SMAD2: variants seen among roughly 807,000 people sequenced by gnomAD.
The protein encoded by SMAD2 is SMAD family member 2.
SMAD2 carries 8 observed loss-of-function variants against 64.4 expected under a neutral mutation model. The observed-to-expected ratio is 0.12, with a 90% confidence interval of 0.07 to 0.22. The LOEUF is 0.22. Ranked by LOEUF, SMAD2 falls within the 10% of genes least tolerant of loss-of-function variation. The probability of loss-of-function intolerance (pLI) is 1.00; values close to 1 mark genes in which losing one functional copy is unlikely to be tolerated. For missense variants in SMAD2, 289 were observed against 561.2 expected (o/e 0.51, Z 4.90); for synonymous variants, 203 against 195.8 (o/e 1.04, Z -0.31).
chr18:47,835,611 G>A lies in SMAD2; in HGVS notation c.*6216C>T, dbSNP rs1163441036. The A allele has an allele frequency of 5.2e-6, 1 of 193,732 alleles. No homozygotes were observed. The highest frequency in any genetic ancestry group is 1.1e-5 in the Non-Finnish European group (1 of 92,960). 12.0% of individuals were successfully genotyped at this position (193,732 alleles called of 1,614,324 possible). A position where few individuals can be genotyped will look rare whatever the true frequency, so the allele number is the denominator to read the frequency against. On this transcript the variant is annotated 3_prime_UTR_variant, in exon 11 of 11. Coordinates refer to ENST00000262160, the MANE Select transcript of SMAD2 (RefSeq NM_005901.6). ...AGCTTTATAATAACAGCATTATAAAGGATAGAACTTAATATAGAACCAGAA... is the reference window on the plus strand; with the variant it reads ...AGCTTTATAATAACAGCATTATAAAAGATAGAACTTAATATAGAACCAGAA...
intron 2 of SMAD2, among the ~76,000 whole-genome samples, chr18:47,885,132 TACACACACACACACACACACACACAC>T (rs57342899): frequency 1.5e-4 from 22 of 142,186 alleles, no homozygotes; most frequent in South Asian, 7.0e-4. Flanking sequence ...TTTAGTCATA[TACACACACACACACACACACACACAC>T]ACACACACAC....
At chr18:47,903,623 A>G (rs2033777083) in intron 1 of SMAD2, among the ~76,000 whole-genome samples, 1 of 152,190 alleles carries the variant, frequency 6.6e-6, no homozygotes, top group Non-Finnish European at 1.5e-5. Flanking sequence ...CAGTCAAAAC[A>G]TGAATAAAAT....
At chr18:47,876,967 T>C (rs529650031) in intron 2 of SMAD2, among the ~76,000 whole-genome samples, 74 of 152,188 alleles carry the variant, frequency 4.9e-4, no homozygotes, top group African/African-American at 1.6e-3. Context: ...GAAAATTAAG[T>C]TGAAGAAAAC....
chr18:47,810,628 C>A lies in SMAD2; in HGVS notation c.*31199G>T, dbSNP rs1912170224. 1 of 152,132 alleles carries A rather than the reference C, an allele frequency of 6.6e-6. No homozygotes were observed. Among genetic ancestry groups the A allele is most frequent in the African/African-American group, 2.4e-5 (1 of 41,434 alleles). The allele number at this position is 152,132 out of a possible 1,614,324, so 9.4% of individuals were successfully genotyped here. A position where few individuals can be genotyped will look rare whatever the true frequency, so the allele number is the denominator to read the frequency against. On this transcript the variant is annotated 3_prime_UTR_variant, in exon 11 of 11. Coordinates refer to ENST00000262160, the MANE Select transcript of SMAD2 (RefSeq NM_005901.6). ...TTAAAAAGACTGATTGACCAACTAACATTTGACTTGGAAATATAAATAAAG... is the reference window on the plus strand; with the variant it reads ...TTAAAAAGACTGATTGACCAACTAAAATTTGACTTGGAAATATAAATAAAG...
At chr18:47,896,878 T>C (rs192888571) in intron 1 of SMAD2, 69 bp from the exon 2 acceptor site, 10 of 1,416,352 alleles carry the variant, frequency 7.1e-6, no homozygotes, top group East Asian at 2.5e-5. Context: ...CAACTTATCA[T>C]AGAAAGCAAA....
intron 6 of SMAD2, among the ~76,000 whole-genome samples, chr18:47,862,716 G>A (rs16958551): frequency 0.017 from 2,553 of 152,256 alleles, 65 homozygotes; most frequent in African/African-American, 0.057. Flanking sequence ...AACCCTTTAA[G>A]TCTCTTTGTG....
chr18:47,907,530 G>C (rs1414961464), intron 1 of SMAD2, among the ~76,000 whole-genome samples: 1 of 152,224 alleles, frequency 6.6e-6, no homozygotes, highest in Non-Finnish European at 1.5e-5. Context: ...GAAGCACAAA[G>C]TACCTTTCTA....
intron 2 of SMAD2, among the ~76,000 whole-genome samples, chr18:47,880,520 G>C (rs2032524699): frequency 6.6e-6 from 1 of 152,136 alleles, no homozygotes; most frequent in Admixed American, 6.5e-5. Flanking sequence ...ATGGCTTCAA[G>C]GTGAGTCTTG....
chr18:47,903,440 C>T (rs2033770211), intron 1 of SMAD2, among the ~76,000 whole-genome samples: 1 of 152,032 alleles, frequency 6.6e-6, no homozygotes, highest in Admixed American at 6.6e-5. Flanking sequence ...TCTCATGGTT[C>T]AGAAAGCTGA....
At chr18:47,928,621 G>A (rs1184662054) in intron 1 of SMAD2, among the ~76,000 whole-genome samples, 2 of 150,392 alleles carry the variant, frequency 1.3e-5, no homozygotes, top group African/African-American at 4.8e-5. Context: ...TTTCTTAAAA[G>A]ACTATTATTT....
intron 8 of SMAD2, among the ~76,000 whole-genome samples, chr18:47,846,253 T>C (rs1302206062): frequency 6.6e-6 from 1 of 152,118 alleles, no homozygotes; most frequent in African/African-American, 2.4e-5. Context: ...TATATTATGG[T>C]GGAAACCCAA....
rs893773818 is a variant in SMAD2, at chr18:47,810,446, TGCA to T, written c.*31378_*31380del. 1 of 152,266 alleles carries T rather than the reference TGCA, an allele frequency of 6.6e-6. No individual in the cohort carries two copies. The highest frequency in any genetic ancestry group is 1.5e-5 in the Non-Finnish European group (1 of 68,084). The allele number at this position is 152,266 out of a possible 1,614,324, so 9.4% of individuals were successfully genotyped here. A position where few individuals can be genotyped will look rare whatever the true frequency, so the allele number is the denominator to read the frequency against. The stretch of plus-strand genomic sequence containing the variant: ...ACCTTAATTGCCCCCACTGGAACCC[TGCA>T]GCAGTTTATGCTACAGACTGGGCTT... On this transcript the variant is annotated 3_prime_UTR_variant, in exon 11 of 11. Coordinates refer to ENST00000262160, the MANE Select transcript of SMAD2 (RefSeq NM_005901.6).
In SMAD2 at chr18:47,894,806, A is replaced by G. The variant is rs567541740; in HGVS notation, c.236+1715T>C. On this transcript the variant is annotated intron_variant, in intron 2 of 10. Transcript: ENST00000262160. ...TAACTCCAGTGAGGAAGAGCACACCAGGCACATAGTGGGCATATGATAAAT... is the reference window on the plus strand; with the variant it reads ...TAACTCCAGTGAGGAAGAGCACACCGGGCACATAGTGGGCATATGATAAAT... Among the ~76,000 whole-genome samples the G allele has an allele frequency of 7.2e-5, 11 of 152,332 alleles. 2 individuals carry two copies. Among genetic ancestry groups the G allele is most frequent in the African/African-American group, 2.6e-4 (11 of 41,582 alleles).
At position 47,829,432 on chromosome 18, in the gene SMAD2, A is replaced by G. The variant is rs554969374; in HGVS notation, c.*12395T>C. ...GCACATCCACTTTTACAATGGTCAC[A>G]TACAAATGGGGAAAGAGTGGATATA... On this transcript the variant is annotated 3_prime_UTR_variant, in exon 11 of 11. Coordinates refer to ENST00000262160, the MANE Select transcript of SMAD2 (RefSeq NM_005901.6). 2.7e-4 allele frequency: 41 copies of G among 152,056 alleles called. No individual in the cohort carries two copies. Among genetic ancestry groups the G allele is most frequent in the African/African-American group, 9.4e-4 (39 of 41,530 alleles). The allele number at this position is 152,056 out of a possible 1,614,324, so 9.4% of individuals were successfully genotyped here.
At chr18:47,861,838 T>C (rs1251108427) in intron 6 of SMAD2, among the ~76,000 whole-genome samples, 1 of 152,246 alleles carries the variant, frequency 6.6e-6, no homozygotes, top group African/African-American at 2.4e-5. Context: ...ACTACCTTCA[T>C]ACAGTGCTTA....
At chr18:47,896,951 C>G in intron 1 of SMAD2, 142 bp from the exon 2 acceptor site, 6 of 725,054 alleles carry the variant, frequency 8.3e-6, no homozygotes, top group Non-Finnish European at 1.4e-5. Flanking sequence ...CCCATGAAAA[C>G]GTTATCTTTA....
rs1416015925 is a variant in SMAD2 at position 47,845,690 on chromosome 18, G to A, written c.1108C>T (p.Pro370Ser). The change falls in exon 9 of 11, where the codon CCT becomes TCT. Residue 370 changes from proline to serine, a missense_variant. By Grantham distance (74) the Pro-to-Ser change is moderately conservative. Coordinates refer to ENST00000262160, the MANE Select transcript of SMAD2 (RefSeq NM_005901.6). ...GGTGGAATTTTACACACTGTTGCAG[G>A]GTGCCAGCCATATCTCTGATTACAA... ...PNCNQRYGWH[P>S]ATVCKIPPGC... is the part of the protein sequence containing the mutation. The A allele has an allele frequency of 6.2e-7, 1 of 1,613,638 alleles. No individual in the cohort carries two copies. The highest frequency in any genetic ancestry group is 8.5e-7 in the Non-Finnish European group (1 of 1,179,840).
chr18:47,840,356 C>T lies in SMAD2; in HGVS notation c.*1471G>A, dbSNP rs1478515744. 1 of 232,744 alleles carries T rather than the reference C, an allele frequency of 4.3e-6. No individual in the cohort carries two copies. Among genetic ancestry groups the T allele is most frequent in the Admixed American group, 5.6e-5 (1 of 17,772 alleles). 14.4% of individuals were successfully genotyped at this position (232,744 alleles called of 1,614,324 possible). A position where few individuals can be genotyped will look rare whatever the true frequency, so the allele number is the denominator to read the frequency against. On this transcript the variant is annotated 3_prime_UTR_variant, in exon 11 of 11. Transcript: ENST00000262160. ...AAATGTTTAAACTGCAATGAGTCAACATCAGACATAATAATTATTTGCTGC... is the reference window on the plus strand; with the variant it reads ...AAATGTTTAAACTGCAATGAGTCAATATCAGACATAATAATTATTTGCTGC...
rs147344766 is a variant in SMAD2 at position 47,884,814 on chromosome 18, TAGA to T, written c.236+11704_236+11706del. ...ATCTTTGATATAGTATAGCCTTTCT[TAGA>T]AGAAGGACCAGGTGATGATTGAAAA... On this transcript the variant is annotated intron_variant, in intron 2 of 10. Transcript: ENST00000262160. 3.1e-4 allele frequency among the ~76,000 whole-genome samples: 47 copies of T among 152,266 alleles called. No individual in the cohort carries two copies. In the South Asian group the frequency reaches 5.4e-3, roughly 17 times the overall value.
Sources: gnomAD v4.1 joint callset for allele counts (sites outside exome capture counted in the v4.1 genomes callset) on GRCh38, gnomAD v4.1.1 for gene constraint, MANE v1.5 for transcripts, NCBI Gene and HGNC (gene_info 2026-07-23, HGNC 2026-07-21) for gene names.